ADAMTSL1: variants seen among roughly 807,000 people sequenced by gnomAD.
ADAMTSL1 encodes the protein ADAMTS like 1, also known as ADAMTS-like protein 1.
A neutral mutation model predicts 201.8 loss-of-function variants in ADAMTSL1; 126 were observed. The observed-to-expected ratio is 0.62, with a 90% CI of 0.54 to 0.72. The LOEUF (loss-of-function observed/expected upper bound fraction) is 0.72. Ranked by LOEUF, ADAMTSL1 falls within the 30% of genes least tolerant of loss-of-function variation. ADAMTSL1 has a pLI of 0.00. For synonymous variants in ADAMTSL1, 1,121 were observed against 903.4 expected (o/e 1.24, Z -4.32); for missense variants, 2,679 against 2,277.8 (o/e 1.18, Z -3.59).
chr9:18,310,369 CAAAAAAAAAAAAAAAAAAAAAA>C (rs570081965), intron 2 of ADAMTSL1, among the ~76,000 whole-genome samples: 1 of 35,266 alleles, frequency 2.8e-5, no homozygotes, highest in Non-Finnish European at 6.0e-5. Flanking sequence ...TTCTGCATAG[CAAAAAAAAAAAAAAAAAAAAAA>C]AAAAAAAACT....
intron 3 of ADAMTSL1, among the ~76,000 whole-genome samples, chr9:18,561,318 C>G (rs1372769494): frequency 1.3e-5 from 2 of 152,168 alleles, no homozygotes; most frequent in African/African-American, 4.8e-5. Flanking sequence ...GCAGGCTGTT[C>G]AGTTTCCATG....
At chr9:18,417,291 T>C (rs1438735844) in intron 2 of ADAMTSL1, among the ~76,000 whole-genome samples, 1 of 150,632 alleles carries the variant, frequency 6.6e-6, no homozygotes, top group East Asian at 1.9e-4. Flanking sequence ...AAAAAAGGTC[T>C]TCATACAATG....
chr9:18,194,205 G>A (rs141020386), intron 2 of ADAMTSL1, among the ~76,000 whole-genome samples: 147 of 152,180 alleles, frequency 9.7e-4, no homozygotes, highest in Admixed American at 3.8e-3. Flanking sequence ...TCCTTTGACC[G>A]TGGGGGGAGA....
At chr9:18,154,164 T>C (rs1206597198) in intron 1 of ADAMTSL1, among the ~76,000 whole-genome samples, 1 of 152,036 alleles carries the variant, frequency 6.6e-6, no homozygotes, top group East Asian at 1.9e-4. Flanking sequence ...ACGTGGGTTA[T>C]GAAGATGAAT....
At chr9:18,304,331 T>C (rs1333150113) in intron 2 of ADAMTSL1, among the ~76,000 whole-genome samples, 1 of 149,536 alleles carries the variant, frequency 6.7e-6, no homozygotes, top group Non-Finnish European at 1.5e-5. Context: ...CCTCAAGGAA[T>C]AGAGTTTTGA....
At chr9:18,308,272 C>T (rs1257768887) in intron 2 of ADAMTSL1, among the ~76,000 whole-genome samples, 2 of 151,974 alleles carry the variant, frequency 1.3e-5, no homozygotes, top group South Asian at 2.1e-4. Flanking sequence ...CCTAATATCA[C>T]AATTAAAAGA....
chr9:18,249,848 T>TA (rs1269147834), intron 2 of ADAMTSL1, among the ~76,000 whole-genome samples: 1 of 152,158 alleles, frequency 6.6e-6, no homozygotes, highest in African/African-American at 2.4e-5. Context: ...CCTGGACTGT[T>TA]ATTGACTAGG....
intron 2 of ADAMTSL1, among the ~76,000 whole-genome samples, chr9:18,286,374 A>G (rs1032983917): frequency 6.6e-6 from 1 of 152,192 alleles, no homozygotes; most frequent in Admixed American, 6.5e-5. Flanking sequence ...AATATACATG[A>G]TGATGATAAA....
intron 2 of ADAMTSL1, among the ~76,000 whole-genome samples, chr9:18,318,646 C>A (rs186415376): frequency 1.1e-4 from 17 of 152,160 alleles, no homozygotes; most frequent in African/African-American, 3.9e-4. Flanking sequence ...ATCACATCTC[C>A]AAGGAGCTGA....
At chr9:18,595,645 A>G (rs1195440178) in intron 4 of ADAMTSL1, among the ~76,000 whole-genome samples, 2 of 152,240 alleles carry the variant, frequency 1.3e-5, no homozygotes, top group Admixed American at 1.3e-4. Context: ...TAGCTGAGGA[A>G]GGCTGGAATA....
chr9:18,449,206 T>C (rs996133187), intron 2 of ADAMTSL1, among the ~76,000 whole-genome samples: 6 of 151,698 alleles, frequency 4.0e-5, no homozygotes, highest in Non-Finnish European at 5.9e-5. Context: ...GAGTTGTATG[T>C]CAAAAATCAC....
intron 2 of ADAMTSL1, among the ~76,000 whole-genome samples, chr9:18,218,727 G>A (rs112417887): frequency 1.4e-5 from 2 of 145,574 alleles, no homozygotes; most frequent in African/African-American, 5.6e-5. Flanking sequence ...TTTTATTTAT[G>A]TTTTTGGAGC....
chr9:18,606,554 G>A (rs948634432), intron 4 of ADAMTSL1, among the ~76,000 whole-genome samples: 4 of 152,102 alleles, frequency 2.6e-5, no homozygotes, highest in Non-Finnish European at 1.5e-5. Flanking sequence ...AAGTCCCCTG[G>A]TATATTAGGT....
At chr9:18,191,338 C>T (rs1828960715) in intron 2 of ADAMTSL1, among the ~76,000 whole-genome samples, 1 of 152,178 alleles carries the variant, frequency 6.6e-6, no homozygotes, top group Non-Finnish European at 1.5e-5. Context: ...CAGCCACCCT[C>T]AACCCTTGAG....
At position 18,216,976 on chromosome 9, in the gene ADAMTSL1, A is replaced by G. The variant is rs138145829; in HGVS notation, c.207+52995A>G. 7.2e-5 allele frequency among the ~76,000 whole-genome samples: 11 copies of G among 152,088 alleles called. No individual in the cohort carries two copies. The East Asian group carries it at 1.9e-3, about 27-fold the overall frequency. On this transcript the variant is annotated intron_variant, in intron 2 of 29. Transcript: ENST00000680146. Reference sequence around the variant, plus strand: ...GAGTACTATTTGTACCCTCCCCTCCATTAGATTGTTGGGAGTTGAGATAGG... The same window carrying G: ...GAGTACTATTTGTACCCTCCCCTCCGTTAGATTGTTGGGAGTTGAGATAGG...
chr9:18,074,650 G>T (rs1458584469), intron 1 of ADAMTSL1, among the ~76,000 whole-genome samples: 1 of 151,410 alleles, frequency 6.6e-6, no homozygotes, highest in African/African-American at 2.4e-5. Context: ...GAGTGCAATG[G>T]CATGATCTCT....
In ADAMTSL1 at chr9:18,906,728, C is replaced by T. The variant is rs41268985; in HGVS notation, c.4998C>T (p.Cys1666=). ...VSTQNCWSEA[C]SVHWRVSLWT... The stretch of plus-strand genomic sequence containing the variant: ...CCCAGAACTGCTGGTCAGAGGCCTG[C>T]AGTGTACACTGGAGAGTCAGCCTGT... The change falls in exon 28 of 29, where the codon TGC becomes TGT. Residue 1666 remains cysteine, a synonymous_variant. Coordinates refer to ENST00000380548, the MANE Select transcript of ADAMTSL1 (RefSeq NM_001040272.6). The T allele has an allele frequency of 0.011, 17,615 of 1,611,580 alleles. 119 individuals are homozygous for T. The highest frequency in any genetic ancestry group is 0.013 in the Non-Finnish European group (15,420 of 1,178,726).
intron 2 of ADAMTSL1, among the ~76,000 whole-genome samples, chr9:18,253,092 G>A (rs373412058): frequency 6.6e-6 from 1 of 152,210 alleles, no homozygotes; most frequent in African/African-American, 2.4e-5. Flanking sequence ...ATTTGGAGAG[G>A]TTTCTATGAT....
intron 7 of ADAMTSL1, among the ~76,000 whole-genome samples, chr9:18,642,012 T>C (rs1255170440): frequency 6.6e-6 from 1 of 151,944 alleles, no homozygotes; most frequent in Non-Finnish European, 1.5e-5. Context: ...CCAAAATCCA[T>C]CTTCACAATC....
Sources: allele counts gnomAD v4.1 joint callset (sites outside exome capture counted in the v4.1 genomes callset), GRCh38; gene constraint gnomAD v4.1.1; transcripts MANE v1.5; gene names NCBI Gene and HGNC (gene_info 2026-07-23, HGNC 2026-07-21).